The following ANXA4 variants were observed in gnomAD, a reference collection of about 807,000 sequenced individuals.
The protein encoded by ANXA4 is 35-beta calcimedin.
ANXA4 carries 39 observed loss-of-function variants against 49.8 expected under a neutral mutation model. That is an observed-to-expected ratio of 0.78 (90% confidence interval 0.61 to 1.02). ANXA4 has a LOEUF of 1.02. Ranked by LOEUF, ANXA4 falls within the 50% of genes least tolerant of loss-of-function variation. The pLI is 0.00. For missense variants in ANXA4, 360 were observed against 410.1 expected (o/e 0.88, Z 1.05); for synonymous variants, 134 against 152.5 (o/e 0.88, Z 0.89).
At chr2:69,702,160 C>CGCT (rs72360344) in intron 2 of ANXA4, among the ~76,000 whole-genome samples, 7 of 46,030 alleles carry the variant, frequency 1.5e-4, no homozygotes, top group African/African-American at 4.5e-4. Flanking sequence ...TACAGGTGTG[C>CGCT]GCCACCACCC....
At chr2:69,701,196 C>G (rs1678319854) in intron 2 of ANXA4, among the ~76,000 whole-genome samples, 1 of 151,796 alleles carries the variant, frequency 6.6e-6, no homozygotes. Context: ...TTAACTGTGG[C>G]AAAAGACACC....
upstream of ANXA4, among the ~76,000 whole-genome samples, chr2:69,741,386 A>G (rs1670390745): frequency 6.6e-6 from 1 of 152,196 alleles, no homozygotes; most frequent in African/African-American, 2.4e-5. Context: ...CAGAACTATT[A>G]CAAGGGATGA....
At chr2:69,694,156 A>C (rs916433422) in intron 2 of ANXA4, among the ~76,000 whole-genome samples, 10 of 152,154 alleles carry the variant, frequency 6.6e-5, no homozygotes, top group Non-Finnish European at 7.3e-5. Flanking sequence ...AGTATTAAGA[A>C]GTGGTGCCTT....
At chr2:69,797,840 A>C (rs1673007459) in intron 3 of ANXA4, among the ~76,000 whole-genome samples, 1 of 152,196 alleles carries the variant, frequency 6.6e-6, no homozygotes, top group South Asian at 2.1e-4. Flanking sequence ...GAGGGATGTA[A>C]AAGGGAGGAG....
At chr2:69,786,752 C>T (rs1270940855) in intron 2 of ANXA4, among the ~76,000 whole-genome samples, 1 of 152,164 alleles carries the variant, frequency 6.6e-6, no homozygotes, top group African/African-American at 2.4e-5. Flanking sequence ...GACAGGGTCT[C>T]ACTCTGTCGC....
At chr2:69,818,750 T>C in intron 10 of ANXA4, 56 bp downstream of exon 10, 1 of 1,187,380 alleles carries the variant, frequency 8.4e-7, no homozygotes, top group Admixed American at 2.0e-5. Flanking sequence ...CTTCTCATTA[T>C]CAGTTTGCAA....
At chr2:69,811,499 G>T (rs990800498) in intron 7 of ANXA4, 1 of 152,222 alleles carries the variant, frequency 6.6e-6, no homozygotes, top group African/African-American at 2.4e-5. Context: ...AATAAAGCAG[G>T]ACTGAGCTAG....
chr2:69,794,555 A>G (rs1672844877), intron 3 of ANXA4, among the ~76,000 whole-genome samples: 1 of 133,330 alleles, frequency 7.5e-6, no homozygotes, highest in African/African-American at 2.6e-5. Context: ...ATGTTATGTT[A>G]TGTTATGTTA....
chr2:69,778,089 G>A (rs1672034946), intron 1 of ANXA4, among the ~76,000 whole-genome samples: 1 of 152,010 alleles, frequency 6.6e-6, no homozygotes, highest in African/African-American at 2.4e-5. Context: ...TGATTTTCTG[G>A]TCAATTATTT....
intron 1 of ANXA4, among the ~76,000 whole-genome samples, chr2:69,746,420 A>G (rs759257180): frequency 6.6e-6 from 1 of 152,206 alleles, no homozygotes; most frequent in Non-Finnish European, 1.5e-5. Context: ...CCTCTAGAAC[A>G]ATGTAGAGCT....
intron 2 of ANXA4, among the ~76,000 whole-genome samples, chr2:69,716,074 T>TA (rs1443966960): frequency 2.0e-5 from 3 of 152,158 alleles, no homozygotes; most frequent in African/African-American, 7.2e-5. Flanking sequence ...AAACTGTATG[T>TA]AAGTCTAGAG....
At chr2:69,696,324 A>G (rs368846797) in intron 2 of ANXA4, among the ~76,000 whole-genome samples, 3 of 152,200 alleles carry the variant, frequency 2.0e-5, no homozygotes, top group East Asian at 1.9e-4. Context: ...ACAGAAAGCA[A>G]TTTCTCATCT....
chr2:69,647,200 C>T (rs1247233266), intron 1 of ANXA4, among the ~76,000 whole-genome samples: 2 of 152,142 alleles, frequency 1.3e-5, no homozygotes, highest in African/African-American at 4.8e-5. Flanking sequence ...CTTTCAGTCT[C>T]TGCCAGAGTC....
chr2:69,753,143 C>T lies in ANXA4; in HGVS notation c.-47+10968C>T, dbSNP rs147378940. ...TACCTGTTCTATTTCTCTTAGATTA[C>T]GTGCTTCTTGAGAGCAAGATCATGT... On this transcript the variant is annotated intron_variant, in intron 1 of 12. Coordinates refer to ENST00000394295, the MANE Select transcript of ANXA4 (RefSeq NM_001153.5). Among the ~76,000 whole-genome samples, 128 of 152,272 alleles carry T rather than the reference C, an allele frequency of 8.4e-4. 1 individual carries two copies. The highest frequency in any genetic ancestry group is 1.5e-3 in the South Asian group (7 of 4,826).
chr2:69,796,068 G>A (rs1003983870), intron 3 of ANXA4, among the ~76,000 whole-genome samples: 4 of 152,272 alleles, frequency 2.6e-5, no homozygotes, highest in Admixed American at 6.5e-5. Flanking sequence ...TGGAGCCAGG[G>A]GTCTGAGCCC....
At chr2:69,653,044 G>A (rs1305442618) in exon 2 of ANXA4, 1 of 152,142 alleles carries the variant, frequency 6.6e-6, no homozygotes, top group African/African-American at 2.4e-5. Flanking sequence ...AACACATTTT[G>A]GCTATGGGGT....
intron 2 of ANXA4, among the ~76,000 whole-genome samples, chr2:69,687,917 A>T (rs935152241): frequency 2.6e-5 from 4 of 152,258 alleles, no homozygotes; most frequent in Non-Finnish European, 5.9e-5. Context: ...ACACGTCAGT[A>T]TGCATCTCTA....
chr2:69,644,165 T>TTCGCGCCCCCCCC (rs1553424953), upstream of ANXA4, among the ~76,000 whole-genome samples: 3 of 21,116 alleles, frequency 1.4e-4, no homozygotes, highest in African/African-American at 5.1e-4. Context: ...ACAACTAAGT[T>TTCGCGCCCCCCCC]CCCCCCCCCC....
chr2:69,730,684 T>C (rs1670074233), intron 3 of ANXA4, among the ~76,000 whole-genome samples: 1 of 152,226 alleles, frequency 6.6e-6, no homozygotes, highest in Non-Finnish European at 1.5e-5. Flanking sequence ...TACGTAAACA[T>C]GCTGCTCATG....
Sources: gnomAD v4.1 joint callset for allele counts (sites outside exome capture counted in the v4.1 genomes callset) on GRCh38, gnomAD v4.1.1 for gene constraint, MANE v1.5 for transcripts, NCBI Gene and HGNC (gene_info 2026-07-23, HGNC 2026-07-21) for gene names.